The following MFAP3L variants were observed in gnomAD, a reference collection of about 807,000 sequenced individuals.
The protein encoded by MFAP3L is microfibrillar-associated protein 3-like.
MFAP3L carries 5 observed loss-of-function variants against 20.0 expected under a neutral mutation model. That is an observed-to-expected ratio of 0.25 (90% CI 0.13 to 0.53). The LOEUF is 0.53. MFAP3L is among the 20% of genes least tolerant of loss of function. The pLI is 0.96. For missense variants in MFAP3L, 409 were observed against 527.5 expected, an observed-to-expected ratio of 0.78 and a Z score of 2.20; for synonymous variants, 219 against 213.0, an observed-to-expected ratio of 1.03 and a Z score of -0.25.
At chr4:169,995,905 G>A (rs1293305171) in intron 2 of MFAP3L, among the ~76,000 whole-genome samples, 1 of 152,090 alleles carries the variant, frequency 6.6e-6, no homozygotes, top group African/African-American at 2.4e-5. Flanking sequence ...AACATAGGCA[G>A]CCATCTCGCC....
At chr4:170,009,679 A>G (rs1739257038) in intron 1 of MFAP3L, among the ~76,000 whole-genome samples, 1 of 152,236 alleles carries the variant, frequency 6.6e-6, no homozygotes, top group African/African-American at 2.4e-5. Context: ...AGAACAAAAG[A>G]GAAATATTTA....
intron 1 of MFAP3L, among the ~76,000 whole-genome samples, chr4:170,007,223 G>A (rs1364688108): frequency 2.6e-5 from 4 of 152,106 alleles, no homozygotes; most frequent in Non-Finnish European, 5.9e-5. Context: ...GTGCTTTCCT[G>A]CCCTAGGAAG....
chr4:170,015,504 G>A (rs1368578739), intron 1 of MFAP3L, among the ~76,000 whole-genome samples: 3 of 152,218 alleles, frequency 2.0e-5, no homozygotes, highest in African/African-American at 4.8e-5. Flanking sequence ...CAGCTTGTGC[G>A]CCACGCAGCC....
chr4:169,994,104 GAAC>G, intron 2 of MFAP3L: 1 of 920,240 alleles, frequency 1.1e-6, no homozygotes, highest in Non-Finnish European at 1.3e-6. Flanking sequence ...GACAAAAACA[GAAC>G]AAAAGTCTAA....
At chr4:170,026,584 G>C (rs867259080), upstream of MFAP3L, among the ~76,000 whole-genome samples, 1 of 151,568 alleles carries the variant, frequency 6.6e-6, no homozygotes, top group Non-Finnish European at 1.5e-5. Flanking sequence ...CCCCGCGGAG[G>C]AGCCACCGGA....
chr4:170,025,003 A>C (rs548029708), intron 1 of MFAP3L, among the ~76,000 whole-genome samples: 4 of 152,386 alleles, frequency 2.6e-5, no homozygotes, highest in African/African-American at 9.6e-5. Context: ...AGGCTTGAGA[A>C]TTTAGCTTTA....
At chr4:169,995,310 C>A (rs566464485) in intron 2 of MFAP3L, among the ~76,000 whole-genome samples, 2 of 152,192 alleles carry the variant, frequency 1.3e-5, no homozygotes, top group African/African-American at 4.8e-5. Flanking sequence ...AGGTTGTGTA[C>A]GTCTGTATTC....
chr4:170,004,365 A>G (rs1738892176), intron 2 of MFAP3L, among the ~76,000 whole-genome samples: 1 of 152,214 alleles, frequency 6.6e-6, no homozygotes, highest in Non-Finnish European at 1.5e-5. Flanking sequence ...CTTGGTGGGT[A>G]AAAGTTCGAC....
chr4:170,016,291 T>C (rs1420608372), intron 1 of MFAP3L, among the ~76,000 whole-genome samples: 1 of 152,162 alleles, frequency 6.6e-6, no homozygotes, highest in Admixed American at 6.5e-5. Context: ...ATTCACAGCC[T>C]CCATATCCAA....
intron 2 of MFAP3L, among the ~76,000 whole-genome samples, chr4:170,000,581 A>G (rs1165415067): frequency 6.6e-6 from 1 of 152,204 alleles, no homozygotes; most frequent in Non-Finnish European, 1.5e-5. Flanking sequence ...AGACAAGAAG[A>G]CTGTGGTTGA....
At chr4:170,025,902 G>A (rs933562582) in intron 1 of MFAP3L, among the ~76,000 whole-genome samples, 1 of 152,146 alleles carries the variant, frequency 6.6e-6, no homozygotes, top group Non-Finnish European at 1.5e-5. Context: ...GCTGTTCGGC[G>A]TCCCCTTCCC....
At chr4:170,026,185 G>C (rs1342213669) in intron 1 of MFAP3L, 49 bp downstream of exon 1, 1 of 969,666 alleles carries the variant, frequency 1.0e-6, no homozygotes, top group Non-Finnish European at 1.2e-6. Flanking sequence ...TGCGGGGCTG[G>C]CTCCCACCCG....
In MFAP3L at chr4:169,991,743, T is replaced by C. The variant is rs373773015; in HGVS notation, c.865A>G (p.Ile289Val). ...EAADRDEVYT[I>V]PNSLKRSDSP... Reference sequence around the variant, plus strand: ...TCGCTCCGCTTCAGAGAGTTGGGGATTGTGTAGACCTCATCCCTGTCTGCG... The same window carrying C: ...TCGCTCCGCTTCAGAGAGTTGGGGACTGTGTAGACCTCATCCCTGTCTGCG... The change falls in exon 3 of 3, where the codon ATC (isoleucine) becomes GTC (valine). Residue 289 changes from isoleucine (I) to valine (V), a missense_variant. Around this residue, in one of 3 missense-constraint regions of MFAP3L, gnomAD observed 169 missense variants for 178.2 expected, o/e 0.95. Transcript: ENST00000361618. This position sits in a 1 kb window ranked among gnomAD's most constrained non-coding sequence, Gnocchi z 4.9. 34 of 1,613,820 alleles carry C rather than the reference T, an allele frequency of 2.1e-5. No homozygotes were observed. The Middle Eastern group carries it at 8.2e-4, about 39-fold the overall frequency.
chr4:170,013,394 T>A (rs768299636), intron 1 of MFAP3L, among the ~76,000 whole-genome samples: 2 of 152,138 alleles, frequency 1.3e-5, no homozygotes, highest in Non-Finnish European at 2.9e-5. Context: ...GGGAAAAAAT[T>A]ACATTAAAGG....
intron 1 of MFAP3L, 136 bp from the exon 2 acceptor site, chr4:170,006,146 T>A: frequency 1.8e-6 from 1 of 541,354 alleles, no homozygotes; most frequent in Non-Finnish European, 2.7e-6. Flanking sequence ...GGAGTCTTGC[T>A]CTGTTGCCCA....
chr4:170,001,250 T>C (rs1269697805), intron 2 of MFAP3L, among the ~76,000 whole-genome samples: 1 of 152,156 alleles, frequency 6.6e-6, no homozygotes, highest in African/African-American at 2.4e-5. Context: ...TTAAAAGGCA[T>C]ATTACAATCT....
rs1040152063 is a variant in MFAP3L at position 169,990,358 on chromosome 4, T to C, written c.*1020A>G. On this transcript the variant is annotated 3_prime_UTR_variant, in exon 3 of 3. Transcript: ENST00000361618. Reference sequence around the variant, plus strand: ...ATGCAGTTCATAAAAGTGGACCTGGTTATATGTCATCCAACAGCATATGGT... The same window carrying C: ...ATGCAGTTCATAAAAGTGGACCTGGCTATATGTCATCCAACAGCATATGGT... 2.6e-5 allele frequency: 4 copies of C among 152,388 alleles called. No individual in the cohort carries two copies. Among genetic ancestry groups the C allele is most frequent in the African/African-American group, 9.6e-5 (4 of 41,468 alleles). 9.4% of individuals were successfully genotyped at this position (152,388 alleles called of 1,614,324 possible).
At chr4:170,012,003 G>A (rs1739412624) in intron 1 of MFAP3L, among the ~76,000 whole-genome samples, 1 of 152,188 alleles carries the variant, frequency 6.6e-6, no homozygotes, top group Non-Finnish European at 1.5e-5. Context: ...GGAGGGGGAA[G>A]TAGGTTGGAA....
At chr4:170,022,679 G>A (rs1442574683) in intron 1 of MFAP3L, among the ~76,000 whole-genome samples, 1 of 152,172 alleles carries the variant, frequency 6.6e-6, no homozygotes, top group Non-Finnish European at 1.5e-5. Context: ...GTTCTTTCAC[G>A]TGAAAGAGGG....
Sources: allele counts gnomAD v4.1 joint callset (sites outside exome capture counted in the v4.1 genomes callset), GRCh38; gene constraint gnomAD v4.1.1; regional missense constraint gnomAD v4.1.1; non-coding constraint Gnocchi (gnomAD v3.1); transcripts MANE v1.5; gene names NCBI Gene and HGNC (gene_info 2026-07-23, HGNC 2026-07-21).